The following DAG1 variants were observed in gnomAD, a reference collection of about 807,000 sequenced individuals.
DAG1 encodes dystroglycan 1 (dystrophin-associated glycoprotein 1).
DAG1 carries 8 observed loss-of-function variants against 46.1 expected under a neutral mutation model. The observed-to-expected ratio is 0.17, with a 90% CI of 0.10 to 0.31. DAG1 has a LOEUF of 0.31. DAG1 is among the 10% of genes least tolerant of loss of function. The probability of loss-of-function intolerance (pLI) is 1.00; values close to 1 mark genes in which losing one functional copy is unlikely to be tolerated. For synonymous variants in DAG1, 495 were observed against 481.8 expected, an observed-to-expected ratio of 1.03 and a Z score of -0.36; for missense variants, 1,003 against 1,189.9, an observed-to-expected ratio of 0.84 and a Z score of 2.31.
intron 1 of DAG1, among the ~76,000 whole-genome samples, chr3:49,478,447 A>AT (rs1453952856): frequency 1.3e-5 from 2 of 149,748 alleles, no homozygotes; most frequent in African/African-American, 2.4e-5. Context: ...ATAAAAAAAA[A>AT]AAAAAAAATT....
intron 1 of DAG1, among the ~76,000 whole-genome samples, chr3:49,503,896 A>C (rs924008365): frequency 6.6e-6 from 1 of 152,124 alleles, no homozygotes; most frequent in Non-Finnish European, 1.5e-5. Flanking sequence ...TGTCAGATTT[A>C]AAATTCAAAT....
At chr3:49,530,354 TGTG>T (rs1255911596) in intron 2 of DAG1, among the ~76,000 whole-genome samples, 4 of 152,050 alleles carry the variant, frequency 2.6e-5, no homozygotes, top group African/African-American at 9.7e-5. Context: ...TGAGCAAAGA[TGTG>T]GTGTCTGCAG....
chr3:49,523,276 CTA>C (rs1241665446), intron 2 of DAG1, among the ~76,000 whole-genome samples: 3 of 152,124 alleles, frequency 2.0e-5, no homozygotes, highest in Non-Finnish European at 4.4e-5. Context: ...CAAAGTCTCA[CTA>C]TGTTGCCCAG....
In DAG1 at chr3:49,532,742, G is replaced by C. The variant is rs114357468; in HGVS notation, c.2231G>C (p.Ser744Thr). The C allele has an allele frequency of 1.6e-3, 2,635 of 1,614,140 alleles. 38 individuals are homozygous for C. The African/African-American group carries it at 0.032, about 20-fold the overall frequency. ...GTGCCTGACAGGGACCCTGAGAAGA[G>C]CAGTGAGGATGATGTCTACCTGCAC... ...TEVPDRDPEK[S>T]SEDDVYLHTV... Residue 744 changes from serine to threonine, a missense_variant, in exon 3 of 3, where the codon AGC becomes ACC. Transcript: ENST00000308775. The surrounding 1 kb of genome is among the most constrained non-coding windows in gnomAD (Gnocchi z 5.4).
chr3:49,498,579 C>T (rs1008351668), intron 1 of DAG1, among the ~76,000 whole-genome samples: 1 of 151,992 alleles, frequency 6.6e-6, no homozygotes, highest in African/African-American at 2.4e-5. Flanking sequence ...GTGATTTTTG[C>T]TAGATTGAAC....
At position 49,532,249 on chromosome 3, in the gene DAG1, A is replaced by G; in HGVS notation, c.1738A>G (p.Thr580Ala). 6.2e-7 allele frequency: 1 copy of G among 1,613,928 alleles called. No homozygotes were observed. The highest frequency in any genetic ancestry group is 8.5e-7 in the Non-Finnish European group (1 of 1,179,802). The change falls in exon 3 of 3, where the codon ACA becomes GCA. Residue 580 changes from threonine (T) to alanine (A), a missense_variant. By Grantham distance (58) the Thr-to-Ala change is moderately conservative (BLOSUM62 0). Transcript: ENST00000308775. This position sits in a 1 kb window ranked among gnomAD's most constrained non-coding sequence, Gnocchi z 5.4. ...CAAACACGAGTATTTCATGCATGCC[A>G]CAGACAAGGGGGGCCTGTCGGCTGT... ...VGKHEYFMHA[T>A]DKGGLSAVDA...
chr3:49,527,479 G>A (rs1377178896), intron 2 of DAG1, among the ~76,000 whole-genome samples: 1 of 83,424 alleles, frequency 1.2e-5, no homozygotes, highest in African/African-American at 3.9e-5. Flanking sequence ...CCGAGATAGC[G>A]CCACTGCAGT....
At chr3:49,517,368 A>G (rs1223201355) in intron 2 of DAG1, among the ~76,000 whole-genome samples, 1 of 152,070 alleles carries the variant, frequency 6.6e-6, no homozygotes, top group Non-Finnish European at 1.5e-5. Flanking sequence ...TTTGTGTGTC[A>G]GCATGCTTTG....
chr3:49,531,476 C>A lies in DAG1; in HGVS notation c.965C>A (p.Thr322Asn). The part of the protein sequence containing the change: ...RQIHATPTPV[T>N]AIGPPTTAIQ... Reference sequence around the variant, plus strand: ...ATCCATGCTACACCCACACCTGTCACTGCCATTGGGCCCCCAACCACGGCT... The same window carrying A: ...ATCCATGCTACACCCACACCTGTCAATGCCATTGGGCCCCCAACCACGGCT... The change falls in exon 3 of 3, where the codon ACT becomes AAT. Residue 322 changes from threonine (T) to asparagine (N), a missense_variant. By Grantham distance (65) the Thr-to-Asn change is moderately conservative. Coordinates refer to ENST00000308775, the MANE Select transcript of DAG1 (RefSeq NM_004393.6). The surrounding 1 kb of genome is among the most constrained non-coding windows in gnomAD (Gnocchi z 7.0). The A allele has an allele frequency of 6.2e-7, 1 of 1,614,018 alleles. No homozygotes were observed. Among genetic ancestry groups the A allele is most frequent in the Non-Finnish European group, 8.5e-7 (1 of 1,179,950 alleles).
rs946541588 is a variant in DAG1, at chr3:49,490,495, A to G, written c.-116-19924A>G. 1.2e-4 allele frequency among the ~76,000 whole-genome samples: 18 copies of G among 150,748 alleles called. No individual in the cohort carries two copies. The East Asian group carries it at 3.1e-3, about 26-fold the overall frequency. On this transcript the variant is annotated intron_variant, in intron 1 of 2. Coordinates refer to ENST00000308775, the MANE Select transcript of DAG1 (RefSeq NM_004393.6). Reference sequence around the variant, plus strand: ...TGTTTGCTCTGTCATTCTCTTTTCTATCTATACCTTTTTTTCTGAACCATC... The same window carrying G: ...TGTTTGCTCTGTCATTCTCTTTTCTGTCTATACCTTTTTTTCTGAACCATC...
intron 1 of DAG1, among the ~76,000 whole-genome samples, chr3:49,489,739 T>C (rs2050133244): frequency 6.6e-6 from 1 of 152,216 alleles, no homozygotes; most frequent in Admixed American, 6.6e-5. Flanking sequence ...ATTTTGTGTT[T>C]GTAATGTTTC....
intron 2 of DAG1, among the ~76,000 whole-genome samples, chr3:49,524,130 A>G (rs1389917867): frequency 2.6e-5 from 4 of 152,204 alleles, no homozygotes; most frequent in African/African-American, 9.7e-5. Flanking sequence ...TTGTTAGGGT[A>G]GAGCAGGTGC....
intron 1 of DAG1, 119 bp from the exon 2 acceptor site, chr3:49,510,300 G>C (rs2050726723): frequency 8.3e-6 from 5 of 600,324 alleles, no homozygotes; most frequent in Non-Finnish European, 1.5e-5. Context: ...AGAGACCATG[G>C]GGGTAAGAGG....
intron 2 of DAG1, among the ~76,000 whole-genome samples, chr3:49,511,346 C>T (rs1305715688): frequency 6.6e-6 from 1 of 152,026 alleles, no homozygotes; most frequent in East Asian, 1.9e-4. Context: ...AATCTGAGGC[C>T]CGTGTAGAGA....
chr3:49,481,366 C>A (rs1203592008), intron 1 of DAG1, among the ~76,000 whole-genome samples: 1 of 147,026 alleles, frequency 6.8e-6, no homozygotes, highest in African/African-American at 2.5e-5. Context: ...CATTGCACTC[C>A]AGCCTGGGCG....
chr3:49,472,984 G>C (rs1467674299), intron 1 of DAG1, among the ~76,000 whole-genome samples: 1 of 151,968 alleles, frequency 6.6e-6, no homozygotes. Flanking sequence ...AGCCAGGCAT[G>C]GTGGCGGGCG....
At chr3:49,496,924 C>A (rs539085964) in intron 1 of DAG1, among the ~76,000 whole-genome samples, 1 of 151,934 alleles carries the variant, frequency 6.6e-6, no homozygotes, top group Admixed American at 6.6e-5. Context: ...TATGCCTGGC[C>A]TAAATTTTTT....
chr3:49,506,995 A>G (rs1349317153), intron 1 of DAG1, among the ~76,000 whole-genome samples: 1 of 152,062 alleles, frequency 6.6e-6, no homozygotes, highest in Non-Finnish European at 1.5e-5. Flanking sequence ...AAAAAGTTAA[A>G]TAAAGAAAAT....
At position 49,533,728 on chromosome 3, in the gene DAG1, A is replaced by G. The variant is rs1575415534; in HGVS notation, c.*529A>G. ...GCTGTTTACCTAAACTTGTATGTAT[A>G]ATTTTTGGGTGGGTATGGGGAATTG... On this transcript the variant is annotated 3_prime_UTR_variant, in exon 3 of 3. Coordinates refer to ENST00000308775, the MANE Select transcript of DAG1 (RefSeq NM_004393.6). 1 of 264,914 alleles carries G rather than the reference A, an allele frequency of 3.8e-6. No individual in the cohort carries two copies. The highest frequency in any genetic ancestry group is 7.4e-6 in the Non-Finnish European group (1 of 134,556). 16.4% of individuals were successfully genotyped at this position (264,914 alleles called of 1,614,324 possible).
Sources: gnomAD v4.1 joint callset for allele counts (sites outside exome capture counted in the v4.1 genomes callset) on GRCh38, gnomAD v4.1.1 for gene constraint, Gnocchi (gnomAD v3.1) non-coding constraint, MANE v1.5 for transcripts, NCBI Gene and HGNC (gene_info 2026-07-23, HGNC 2026-07-21) for gene names.